MARCHF1: variants seen among roughly 807,000 people sequenced by gnomAD.
MARCHF1 encodes the protein membrane associated ring-CH-type finger 1.
A neutral mutation model predicts 54.2 loss-of-function variants in MARCHF1; 40 were observed. The ratio of observed to expected loss-of-function variants is 0.74; its 90% CI spans 0.57 to 0.96. The LOEUF (loss-of-function observed/expected upper bound fraction) is 0.96, where lower values mean the gene tolerates loss of function less well. Ranked by LOEUF, MARCHF1 falls within the 40% of genes least tolerant of loss-of-function variation. The probability of loss-of-function intolerance (pLI) is 0.00; values close to 1 mark genes in which losing one functional copy is unlikely to be tolerated. For synonymous variants in MARCHF1, 236 were observed against 236.3 expected, an observed-to-expected ratio of 1.00 and a Z score of 0.01; for missense variants, 586 against 656.5, an observed-to-expected ratio of 0.89 and a Z score of 1.17.
chr4:163,799,715 A>C (rs1748025047), intron 4 of MARCHF1, among the ~76,000 whole-genome samples: 2 of 152,114 alleles, frequency 1.3e-5, no homozygotes, highest in Admixed American at 1.3e-4. Flanking sequence ...AAGAAAAGTA[A>C]TATATCCAGT....
At chr4:163,562,286 A>G (rs1739495681) in intron 8 of MARCHF1, among the ~76,000 whole-genome samples, 3 of 146,288 alleles carry the variant, frequency 2.1e-5, no homozygotes, top group Admixed American at 1.4e-4. Flanking sequence ...TCAGAGCCAG[A>G]CTCTGTCTCA....
At chr4:163,638,094 G>A (rs1579143158) in intron 5 of MARCHF1, among the ~76,000 whole-genome samples, 1 of 116,748 alleles carries the variant, frequency 8.6e-6, no homozygotes, top group African/African-American at 3.3e-5. Context: ...GACTGTTGTG[G>A]GGTGGGGGGA....
chr4:164,116,430 G>A (rs1035667908), intron 1 of MARCHF1, among the ~76,000 whole-genome samples: 2 of 152,098 alleles, frequency 1.3e-5, no homozygotes, highest in East Asian at 1.9e-4. Context: ...TCATTTGCAT[G>A]TATTTATGTG....
chr4:164,333,010 T>C (rs1357531700), intron 1 of MARCHF1, among the ~76,000 whole-genome samples: 3 of 152,100 alleles, frequency 2.0e-5, no homozygotes, highest in East Asian at 1.9e-4. Context: ...TTTAACAATA[T>C]ATACTCAAAG....
At chr4:163,683,056 GTGGTGCCTTTTCTACTT>G (rs1425956668) in intron 5 of MARCHF1, among the ~76,000 whole-genome samples, 1 of 152,168 alleles carries the variant, frequency 6.6e-6, no homozygotes, top group African/African-American at 2.4e-5. Context: ...TCTTGAGTAA[GTGGTGCCTTTTCTACTT>G]TGCATAGAGG....
At chr4:163,586,786 T>A (rs2110829402) in intron 7 of MARCHF1, among the ~76,000 whole-genome samples, 1 of 152,330 alleles carries the variant, frequency 6.6e-6, no homozygotes, top group South Asian at 2.1e-4. Flanking sequence ...TATCAGACCA[T>A]GGCATGTAAT....
At chr4:163,929,973 A>ATTATATATAAATATAT (rs1751630636) in intron 3 of MARCHF1, among the ~76,000 whole-genome samples, 27 of 125,380 alleles carry the variant, frequency 2.2e-4, no homozygotes, top group African/African-American at 8.3e-4. Context: ...AATATATATA[A>ATTATATATAAATATAT]TATATATAAT....
intron 1 of MARCHF1, among the ~76,000 whole-genome samples, chr4:164,332,287 C>A (rs1011011163): frequency 6.6e-6 from 1 of 152,124 alleles, no homozygotes; most frequent in African/African-American, 2.4e-5. Flanking sequence ...GTTTTACCTG[C>A]CAGAGCCTGT....
intron 4 of MARCHF1, among the ~76,000 whole-genome samples, chr4:163,762,295 T>C (rs1022550761): frequency 7.2e-5 from 11 of 152,308 alleles, no homozygotes; most frequent in Non-Finnish European, 1.3e-4. Context: ...ACTTTCATTA[T>C]ATTTGGTTCT....
At chr4:163,689,623 CTACT>C (rs896483917) in intron 5 of MARCHF1, among the ~76,000 whole-genome samples, 4 of 151,874 alleles carry the variant, frequency 2.6e-5, no homozygotes, top group Admixed American at 1.3e-4. Flanking sequence ...CAATAACTAA[CTACT>C]TGTTACTGTA....
At chr4:163,587,547 A>T (rs1361653512) in intron 7 of MARCHF1, among the ~76,000 whole-genome samples, 1 of 152,208 alleles carries the variant, frequency 6.6e-6, no homozygotes, top group Non-Finnish European at 1.5e-5. Flanking sequence ...ATTCTCACTT[A>T]TAAGTAGGAG....
At chr4:163,790,733 A>G (rs932840469) in intron 4 of MARCHF1, among the ~76,000 whole-genome samples, 7 of 152,092 alleles carry the variant, frequency 4.6e-5, no homozygotes, top group Non-Finnish European at 8.8e-5. Flanking sequence ...AGGTGAACAC[A>G]GTGGAGTAGT....
chr4:163,953,839 G>A (rs2110789779), intron 3 of MARCHF1, among the ~76,000 whole-genome samples: 1 of 152,214 alleles, frequency 6.6e-6, no homozygotes, highest in Admixed American at 6.5e-5. Context: ...TTTATGTATT[G>A]GCTTTGGCTG....
intron 4 of MARCHF1, among the ~76,000 whole-genome samples, chr4:163,765,997 T>C (rs781488154): frequency 2.0e-5 from 3 of 150,138 alleles, no homozygotes; most frequent in Non-Finnish European, 4.4e-5. Context: ...GAATGACAGG[T>C]TTAAGATTGC....
chr4:164,284,422 C>T (rs1235826485), intron 1 of MARCHF1, among the ~76,000 whole-genome samples: 5 of 150,436 alleles, frequency 3.3e-5, no homozygotes, highest in Admixed American at 1.4e-4. Context: ...GGAAATAGGA[C>T]GCCCTATAGT....
intron 1 of MARCHF1, among the ~76,000 whole-genome samples, chr4:164,339,160 A>G (rs577115544): frequency 1.3e-5 from 2 of 152,298 alleles, no homozygotes; most frequent in South Asian, 2.1e-4. Flanking sequence ...AACAACGGAT[A>G]GATCATCCAG....
At chr4:164,049,074 G>C (rs1459803225) in intron 2 of MARCHF1, among the ~76,000 whole-genome samples, 2 of 152,140 alleles carry the variant, frequency 1.3e-5, no homozygotes, top group South Asian at 4.1e-4. Context: ...CTGCTATAAA[G>C]ATACTACCTG....
At chr4:163,896,902 T>A in intron 3 of MARCHF1, among the ~76,000 whole-genome samples, 1 of 152,162 alleles carries the variant, frequency 6.6e-6, no homozygotes, top group East Asian at 1.9e-4. Context: ...TTAAAATGCA[T>A]GTCCCCAAAC....
rs114700630 is a variant in MARCHF1, at chr4:163,762,870, C to A, written c.112-62007G>T. Among the ~76,000 whole-genome samples the A allele has an allele frequency of 2.9e-3, 445 of 152,136 alleles. 2 individuals are homozygous for A. The highest frequency in any genetic ancestry group is 0.01 in the African/African-American group (423 of 41,540). ...TGGCCATTTTAAAAGCTTACACTAG[C>A]TTTCTGTTCATTATAAAGTAATTAT... On this transcript the variant is annotated intron_variant, in intron 4 of 9. Coordinates refer to ENST00000514618, the MANE Select transcript of MARCHF1 (RefSeq NM_001394959.1).
Sources: allele counts gnomAD v4.1 joint callset (sites outside exome capture counted in the v4.1 genomes callset), GRCh38; gene constraint gnomAD v4.1.1; transcripts MANE v1.5; gene names NCBI Gene and HGNC (gene_info 2026-07-23, HGNC 2026-07-21).